Variants in SCHIP1 observed in about 807,000 individuals in gnomAD.
The protein encoded by SCHIP1 is schwannomin-interacting protein 1.
A neutral mutation model predicts 29.7 loss-of-function variants in SCHIP1; 8 were observed. The observed-to-expected ratio is 0.27, with a 90% CI of 0.16 to 0.49. SCHIP1 has a LOEUF of 0.49. Ranked by LOEUF, SCHIP1 falls within the 20% of genes least tolerant of loss-of-function variation. The probability of loss-of-function intolerance (pLI) is 0.99; values close to 1 mark genes in which losing one functional copy is unlikely to be tolerated. For synonymous variants in SCHIP1, 76 were observed against 94.9 expected (o/e 0.80, Z 1.16); for missense variants, 193 against 294.6 (o/e 0.66, Z 2.52).
At chr3:159,329,210 C>T in the SCHIP1 span, among the ~76,000 whole-genome samples, 1 of 152,120 alleles carries the variant, frequency 6.6e-6, no homozygotes, top group East Asian at 1.9e-4. Flanking sequence ...CACAACCATA[C>T]TAACACCTAA....
At chr3:159,404,103 T>A in the SCHIP1 span, among the ~76,000 whole-genome samples, 1 of 152,166 alleles carries the variant, frequency 6.6e-6, no homozygotes, top group African/African-American at 2.4e-5. Context: ...TAAAGAGCCC[T>A]TGGGCCCTGA....
At chr3:159,289,049 C>A in the SCHIP1 span, among the ~76,000 whole-genome samples, 1 of 152,184 alleles carries the variant, frequency 6.6e-6, no homozygotes, top group Admixed American at 6.5e-5. Flanking sequence ...AATCAACCAC[C>A]AAGTCTTGTT....
At chr3:159,829,199 C>T in the SCHIP1 span, among the ~76,000 whole-genome samples, 2 of 152,160 alleles carry the variant, frequency 1.3e-5, no homozygotes, top group Non-Finnish European at 2.9e-5. Flanking sequence ...TAAACAAGTA[C>T]TCTGGCAGAT....
Position 159,861,146 on chromosome 3 carries a change from C to A in SCHIP1, c.31-5017C>A, listed in dbSNP as rs1197228868. Reference sequence around the variant, plus strand: ...AATCTTCCACTTGTAAATTTACGTGCAGATTAGCATGCTGAAGGCTTCTTG... The same window carrying A: ...AATCTTCCACTTGTAAATTTACGTGAAGATTAGCATGCTGAAGGCTTCTTG... On this transcript the variant is annotated intron_variant, in intron 1 of 6. Transcript: ENST00000445224. The surrounding 1 kb of genome is among the most constrained non-coding windows in gnomAD (Gnocchi z 4.1). 1.3e-5 allele frequency among the ~76,000 whole-genome samples: 2 copies of A among 152,074 alleles called. No individual in the cohort carries two copies. Among genetic ancestry groups the A allele is most frequent in the Non-Finnish European group, 2.9e-5 (2 of 68,032 alleles).
intron 2 of SCHIP1, among the ~76,000 whole-genome samples, chr3:159,867,790 A>G (rs1199365412): frequency 6.6e-6 from 1 of 152,004 alleles, no homozygotes; most frequent in Non-Finnish European, 1.5e-5. Context: ...TAGTTTTACC[A>G]TGTCTCATTT....
At chr3:159,490,634 T>C in the SCHIP1 span, among the ~76,000 whole-genome samples, 2 of 152,216 alleles carry the variant, frequency 1.3e-5, no homozygotes, top group South Asian at 4.1e-4. Context: ...GAATCTAATA[T>C]TGAATTAATT....
chr3:159,828,515 A>G, the SCHIP1 span, among the ~76,000 whole-genome samples: 1 of 150,018 alleles, frequency 6.7e-6, no homozygotes, highest in Non-Finnish European at 1.5e-5. Context: ...AGATTTATGT[A>G]TTTATATTAC....
chr3:159,644,295 A>AT, the SCHIP1 span, among the ~76,000 whole-genome samples: 1 of 152,124 alleles, frequency 6.6e-6, no homozygotes, highest in Non-Finnish European at 1.5e-5. Flanking sequence ...ATTTACTTCT[A>AT]TTAAATTTCA....
At chr3:159,593,000 G>A in the SCHIP1 span, among the ~76,000 whole-genome samples, 1 of 152,060 alleles carries the variant, frequency 6.6e-6, no homozygotes. Flanking sequence ...GGAGAGGGAG[G>A]TCCAAATTCT....
At chr3:159,563,021 G>T in the SCHIP1 span, among the ~76,000 whole-genome samples, 4 of 152,140 alleles carry the variant, frequency 2.6e-5, no homozygotes, top group Non-Finnish European at 4.4e-5. Context: ...AAGGGTGGGG[G>T]TTATAACTGT....
At chr3:159,789,955 G>C in the SCHIP1 span, among the ~76,000 whole-genome samples, 3 of 152,304 alleles carry the variant, frequency 2.0e-5, no homozygotes, top group Admixed American at 2.0e-4. Context: ...TCAGTAATTG[G>C]AAGGAACTGG....
chr3:159,335,289 T>A, the SCHIP1 span, among the ~76,000 whole-genome samples: 2 of 152,166 alleles, frequency 1.3e-5, no homozygotes, highest in Non-Finnish European at 2.9e-5. Flanking sequence ...CTCTGCCACA[T>A]CCCTGCACTT....
the SCHIP1 span, among the ~76,000 whole-genome samples, chr3:159,553,071 C>T: frequency 6.6e-6 from 1 of 151,874 alleles, no homozygotes; most frequent in South Asian, 2.1e-4. Flanking sequence ...GCTGACAATA[C>T]CTATTAAGTT....
the SCHIP1 span, among the ~76,000 whole-genome samples, chr3:159,718,838 C>T: frequency 6.6e-6 from 1 of 152,178 alleles, no homozygotes; most frequent in African/African-American, 2.4e-5. Context: ...ATGCCATCCC[C>T]ATCAAGCTAC....
At chr3:159,700,320 A>G in the SCHIP1 span, among the ~76,000 whole-genome samples, 3 of 152,202 alleles carry the variant, frequency 2.0e-5, no homozygotes, top group Non-Finnish European at 4.4e-5. Flanking sequence ...AAAATAAATT[A>G]CCCAGTTTCT....
the SCHIP1 span, among the ~76,000 whole-genome samples, chr3:159,602,812 A>C: frequency 1.3e-5 from 2 of 152,080 alleles, no homozygotes; most frequent in African/African-American, 2.4e-5. Flanking sequence ...CTATACTCTC[A>C]CTCAACAATC....
At chr3:159,342,607 G>A in the SCHIP1 span, among the ~76,000 whole-genome samples, 137 of 152,138 alleles carry the variant, frequency 9.0e-4, no homozygotes, top group Non-Finnish European at 1.4e-3. Context: ...TTATAGAACC[G>A]CTTTTTATTA....
chr3:159,861,787 G>A lies in SCHIP1; in HGVS notation c.31-4376G>A, dbSNP rs1205542091. Among the ~76,000 whole-genome samples the A allele has an allele frequency of 6.6e-6, 1 of 152,142 alleles. No individual in the cohort carries two copies. Among genetic ancestry groups the A allele is most frequent in the Non-Finnish European group, 1.5e-5 (1 of 68,012 alleles). On this transcript the variant is annotated intron_variant, in intron 1 of 6. Transcript: ENST00000445224. The surrounding 1 kb of genome is among the most constrained non-coding windows in gnomAD (Gnocchi z 4.1). ...TATTTCCCAAGGCTGTTTTAGGAGT[G>A]GACATGGTTCTGCCTGTCATAAGTG...
the SCHIP1 span, among the ~76,000 whole-genome samples, chr3:159,587,218 A>C: frequency 7.9e-5 from 12 of 152,220 alleles, no homozygotes. Flanking sequence ...TCTGATGCAC[A>C]ATCAAGTTTA....
Sources: allele counts gnomAD v4.1 joint callset (sites outside exome capture counted in the v4.1 genomes callset), GRCh38; gene constraint gnomAD v4.1.1; non-coding constraint Gnocchi (gnomAD v3.1); transcripts MANE v1.5; gene names NCBI Gene and HGNC (gene_info 2026-07-23, HGNC 2026-07-21).